The following RYR3 variants were observed in gnomAD, a reference collection of about 807,000 sequenced individuals.
The protein encoded by RYR3 is ryanodine receptor 3.
RYR3 carries 207 observed loss-of-function variants against 584.3 expected under a neutral mutation model. The ratio of observed to expected loss-of-function variants is 0.35; its 90% CI spans 0.32 to 0.40. RYR3 has a LOEUF of 0.40. RYR3 is among the 10% of genes least tolerant of loss of function. The pLI is 1.00. For synonymous variants in RYR3, 2,416 were observed against 2,248.5 expected, an observed-to-expected ratio of 1.07 and a Z score of -2.11; for missense variants, 5,616 against 6,089.2, an observed-to-expected ratio of 0.92 and a Z score of 2.59.
intron 94 of RYR3, 46 bp downstream of exon 94, chr15:33,848,467 C>A (rs754737217): frequency 6.4e-7 from 1 of 1,564,742 alleles, no homozygotes; most frequent in East Asian, 2.3e-5. Context: ...GGAGTCTCTA[C>A]TGTAAATAGA....
rs138032233 is a variant in RYR3, at chr15:33,791,285, A to G, written c.9830+2827A>G. ...TAAGAGAGAGACAATTTCTAAGGCA[A>G]TGCCCTTGAGCAGGCGAAAGGTCAG... On this transcript the variant is annotated intron_variant, in intron 67 of 103. Transcript: ENST00000634891. Among the ~76,000 whole-genome samples the G allele has an allele frequency of 9.4e-3, 1,425 of 152,270 alleles. 6 individuals are homozygous for G. Among genetic ancestry groups the G allele is most frequent in the South Asian group, 0.014 (69 of 4,828 alleles).
In RYR3 at chr15:33,850,813, C is replaced by G. The variant is rs550153397; in HGVS notation, c.13629-2232C>G. 2.6e-5 allele frequency: 4 copies of G among 152,144 alleles called. No homozygotes were observed. The East Asian group carries it at 7.7e-4, about 29-fold the overall frequency. The allele number at this position is 152,144 out of a possible 1,614,324, so 9.4% of individuals were successfully genotyped here. Reference sequence around the variant, plus strand: ...TATTATCCTCCCTGATTATATCTTCCCAACCCACAGCTATCTACATTTTTG... The same window carrying G: ...TATTATCCTCCCTGATTATATCTTCGCAACCCACAGCTATCTACATTTTTG... On this transcript the variant is annotated intron_variant, in intron 94 of 103. Transcript: ENST00000634891.
chr15:33,686,218 G>T (rs945470656), intron 38 of RYR3, among the ~76,000 whole-genome samples: 11 of 152,026 alleles, frequency 7.2e-5, no homozygotes, highest in Non-Finnish European at 1.6e-4. Context: ...TCAAATAGAC[G>T]CAATAAAAAA....
At chr15:33,745,464 G>T (rs932894068) in intron 52 of RYR3, among the ~76,000 whole-genome samples, 2 of 152,096 alleles carry the variant, frequency 1.3e-5, no homozygotes, top group African/African-American at 4.8e-5. Flanking sequence ...AGAAAGAGCA[G>T]CCAGGAGTCT....
intron 1 of RYR3, among the ~76,000 whole-genome samples, chr15:33,442,613 C>T (rs2046323166): frequency 6.6e-6 from 1 of 152,152 alleles, no homozygotes; most frequent in Non-Finnish European, 1.5e-5. Context: ...ATTATAGCCG[C>T]CTGACCATAT....
rs558998083 is a variant in RYR3, at chr15:33,501,818, C to G, written c.172-1813C>G. Among the ~76,000 whole-genome samples, 14 of 152,256 alleles carry G rather than the reference C, an allele frequency of 9.2e-5. No homozygotes were observed. In the South Asian group the frequency reaches 2.9e-3, roughly 32 times the overall value. Reference sequence around the variant, plus strand: ...ACATTTCCTGGACATGAAGCTCTGCCCTGCATCACCAGCTGCCTGCTTGCT... The same window carrying G: ...ACATTTCCTGGACATGAAGCTCTGCGCTGCATCACCAGCTGCCTGCTTGCT... On this transcript the variant is annotated intron_variant, in intron 2 of 103. Transcript: ENST00000634891.
chr15:33,516,917 C>T (rs1035296094), intron 3 of RYR3, among the ~76,000 whole-genome samples: 2 of 152,100 alleles, frequency 1.3e-5, no homozygotes, highest in Non-Finnish European at 2.9e-5. Flanking sequence ...TAAAGAATAA[C>T]CTGGGTTACC....
chr15:33,797,425 C>A (rs929192253), intron 67 of RYR3, among the ~76,000 whole-genome samples: 4 of 151,976 alleles, frequency 2.6e-5, no homozygotes, highest in Non-Finnish European at 4.4e-5. Context: ...AGGGTATGAG[C>A]GAATGTGAAA....
chr15:33,332,991 A>G (rs1200300401), intron 1 of RYR3, among the ~76,000 whole-genome samples: 1 of 151,608 alleles, frequency 6.6e-6, no homozygotes, highest in Non-Finnish European at 1.5e-5. Flanking sequence ...GTGTTCTGAT[A>G]AAACTTTATT....
intron 46 of RYR3, among the ~76,000 whole-genome samples, chr15:33,728,025 T>C (rs999955476): frequency 6.6e-6 from 1 of 152,226 alleles, no homozygotes; most frequent in East Asian, 1.9e-4. Context: ...TTTCCAAATA[T>C]TGCAACAGTA....
intron 1 of RYR3, among the ~76,000 whole-genome samples, chr15:33,338,368 A>G (rs990715398): frequency 6.6e-6 from 1 of 152,192 alleles, no homozygotes; most frequent in Non-Finnish European, 1.5e-5. Flanking sequence ...CATAGTTTTC[A>G]TGTAAGTGAA....
In RYR3 at chr15:33,728,976, C is replaced by T; in HGVS notation, c.7153C>T (p.Leu2385=). 6.2e-7 allele frequency: 1 copy of T among 1,613,990 alleles called. No homozygotes were observed. Residue 2385 remains leucine, a synonymous_variant, in exon 47 of 104, where the codon CTG becomes TTG. Transcript: ENST00000634891. The stretch of plus-strand genomic sequence containing the variant: ...GGATCAAACTTTTCTGCTCCACTTG[C>T]TGGAGGTTGGATTTTTACCTGACCT... ...IKDQTFLLHL[L]EVGFLPDLRA...
chr15:33,487,283 G>T (rs544276451), intron 2 of RYR3, among the ~76,000 whole-genome samples: 5 of 152,102 alleles, frequency 3.3e-5, no homozygotes, highest in Admixed American at 1.3e-4. Flanking sequence ...TGGGCAAAAG[G>T]CTGAGTTAGG....
intron 62 of RYR3, among the ~76,000 whole-genome samples, chr15:33,770,823 G>C (rs1448793674): frequency 6.6e-6 from 1 of 152,176 alleles, no homozygotes; most frequent in Non-Finnish European, 1.5e-5. Flanking sequence ...GTATTGTCTT[G>C]ATGAGTTGAA....
At chr15:33,736,853 A>G (rs1729964406) in intron 49 of RYR3, among the ~76,000 whole-genome samples, 1 of 151,924 alleles carries the variant, frequency 6.6e-6, no homozygotes, top group Non-Finnish European at 1.5e-5. Flanking sequence ...GGTTCAAGCA[A>G]TTCTCCTGCC....
At position 33,727,462 on chromosome 15, in the gene RYR3, A is replaced by G. The variant is rs141043370; in HGVS notation, c.7033+956A>G. 8.4e-4 allele frequency among the ~76,000 whole-genome samples: 128 copies of G among 152,342 alleles called. No homozygotes were observed. The East Asian group carries it at 0.019, about 23-fold the overall frequency. On this transcript the variant is annotated intron_variant, in intron 46 of 103. Coordinates refer to ENST00000634891, the MANE Select transcript of RYR3 (RefSeq NM_001036.6). ...TAGGAAATGCTGTGGAATACATCACATCAGTATAAGCACAGTAAAATGATT... is the reference window on the plus strand; with the variant it reads ...TAGGAAATGCTGTGGAATACATCACGTCAGTATAAGCACAGTAAAATGATT...
At chr15:33,457,839 G>A (rs146251054) in intron 1 of RYR3, among the ~76,000 whole-genome samples, 1 of 152,238 alleles carries the variant, frequency 6.6e-6, no homozygotes, top group East Asian at 1.9e-4. Flanking sequence ...CCACAAACTT[G>A]CAATTATGTG....
chr15:33,728,527 C>T (rs2068653055), intron 46 of RYR3, among the ~76,000 whole-genome samples: 2 of 152,216 alleles, frequency 1.3e-5, no homozygotes, highest in African/African-American at 4.8e-5. Flanking sequence ...TATTCCTTAT[C>T]CTAAATGCTT....
intron 67 of RYR3, among the ~76,000 whole-genome samples, chr15:33,788,682 C>T (rs1046696463): frequency 6.6e-6 from 1 of 152,184 alleles, no homozygotes; most frequent in Non-Finnish European, 1.5e-5. Flanking sequence ...GCCATCTCCT[C>T]CATCCTTACG....
Sources: allele counts gnomAD v4.1 joint callset (sites outside exome capture counted in the v4.1 genomes callset), GRCh38; gene constraint gnomAD v4.1.1; transcripts MANE v1.5; gene names NCBI Gene and HGNC (gene_info 2026-07-23, HGNC 2026-07-21).